ENG: variants seen among roughly 807,000 people sequenced by gnomAD.
ENG encodes CD105 antigen.
In ENG, 17 loss-of-function variants were observed where a neutral mutation model predicts 71.0. That is an observed-to-expected ratio of 0.24 (90% confidence interval 0.16 to 0.36). ENG has a LOEUF of 0.36. Ranked by LOEUF, ENG falls within the 10% of genes least tolerant of loss-of-function variation. ENG has a pLI of 1.00. For synonymous variants in ENG, 360 were observed against 366.9 expected, an observed-to-expected ratio of 0.98 and a Z score of 0.21; for missense variants, 749 against 868.3, an observed-to-expected ratio of 0.86 and a Z score of 1.73.
intron 1 of ENG, among the ~76,000 whole-genome samples, chr9:127,845,359 C>T (rs41344044): frequency 0.025 from 3,771 of 152,326 alleles, 165 homozygotes; most frequent in African/African-American, 0.086. Context: ...GCCATGGCAA[C>T]GCCATTCCCA....
chr9:127,825,337 T>TTCACCG lies in ENG; in HGVS notation c.704_709dup (p.Thr235_Val236dup). ...CCCGGGTGCGCAGCTCAGTTCCACC[T>TTCACCG]TCACCGTCACCGTCCGGGGCCTGCG... On this transcript the variant is annotated inframe_insertion, in exon 6 of 15. Coordinates refer to ENST00000373203, the MANE Select transcript of ENG (RefSeq NM_001114753.3). The TTCACCG allele has an allele frequency of 6.2e-7, 1 of 1,609,796 alleles. No individual in the cohort carries two copies. The highest frequency in any genetic ancestry group is 2.2e-5 in the East Asian group (1 of 44,762).
intron 1 of ENG, among the ~76,000 whole-genome samples, chr9:127,851,735 C>T (rs41468648): frequency 0.018 from 2,797 of 151,754 alleles, 99 homozygotes; most frequent in African/African-American, 0.063. Flanking sequence ...AAAAATTAGG[C>T]GGGTGTGGGG....
chr9:127,829,969 T>C, intron 2 of ENG, 142 bp from the exon 3 acceptor site: 1 of 1,155,036 alleles, frequency 8.7e-7, no homozygotes, highest in Non-Finnish European at 1.3e-6. Flanking sequence ...GTGCCCAGGG[T>C]AGTGCCTGTC....
intron 2 of ENG, among the ~76,000 whole-genome samples, chr9:127,830,360 A>C (rs1427497725): frequency 2.7e-5 from 4 of 146,004 alleles, no homozygotes. Context: ...AAAAAAAAAA[A>C]GGCCGGGCAT....
intron 2 of ENG, among the ~76,000 whole-genome samples, chr9:127,834,728 G>A (rs1041656549): frequency 3.3e-5 from 5 of 150,814 alleles, no homozygotes; most frequent in Admixed American, 6.6e-5. Flanking sequence ...TAGTGGAGAT[G>A]GGGTTTCACC....
intron 12 of ENG, 161 bp from the exon 13 acceptor site, chr9:127,817,364 G>T: frequency 1.3e-6 from 1 of 743,642 alleles, no homozygotes; most frequent in South Asian, 1.5e-5. Context: ...GAAGATCTGT[G>T]CTGTGGGAGG....
chr9:127,823,895 G>T (rs887586709), intron 8 of ENG, among the ~76,000 whole-genome samples: 1 of 151,560 alleles, frequency 6.6e-6, no homozygotes, highest in African/African-American at 2.4e-5. Context: ...TGGCCAGGCT[G>T]GTCTCAAACT....
At chr9:127,826,079 G>A (rs1168170891) in intron 4 of ENG, among the ~76,000 whole-genome samples, 1 of 152,184 alleles carries the variant, frequency 6.6e-6, no homozygotes, top group African/African-American at 2.4e-5. Context: ...CATAAGGGAT[G>A]AGCCCATGAC....
At chr9:127,828,061 C>T (rs1463802141) in intron 3 of ENG, among the ~76,000 whole-genome samples, 2 of 151,034 alleles carry the variant, frequency 1.3e-5, no homozygotes, top group South Asian at 2.1e-4. Context: ...CCTCCTGCCT[C>T]GGCTTACCAA....
intron 3 of ENG, among the ~76,000 whole-genome samples, chr9:127,828,019 CA>C (rs997493323): frequency 9.4e-3 from 293 of 31,194 alleles, no homozygotes; most frequent in African/African-American, 0.013. Context: ...AACTCCATCT[CA>C]AAAAAAAAAA....
intron 8 of ENG, among the ~76,000 whole-genome samples, chr9:127,820,937 G>T (rs1830454412): frequency 6.6e-6 from 1 of 152,166 alleles, no homozygotes; most frequent in Non-Finnish European, 1.5e-5. Context: ...CTCAGGCCTG[G>T]CGTGGGCGAA....
chr9:127,839,573 T>C (rs1320876173), intron 2 of ENG, among the ~76,000 whole-genome samples: 1 of 152,188 alleles, frequency 6.6e-6, no homozygotes, highest in Non-Finnish European at 1.5e-5. Context: ...GTTTTGTTTT[T>C]GAGACAGGGT....
At chr9:127,828,345 C>A (rs1028622783) in intron 3 of ENG, among the ~76,000 whole-genome samples, 1 of 152,190 alleles carries the variant, frequency 6.6e-6, no homozygotes, top group African/African-American at 2.4e-5. Context: ...GGGGATACAG[C>A]AGGGCACGAC....
chr9:127,848,815 C>G (rs1031715404), intron 1 of ENG, among the ~76,000 whole-genome samples: 10 of 152,230 alleles, frequency 6.6e-5, no homozygotes, highest in African/African-American at 2.4e-4. Context: ...GTCCAGGGCT[C>G]AGAGCAAACA....
At chr9:127,827,157 GA>G (rs1457215037) in intron 3 of ENG, 2 of 157,972 alleles carry the variant, frequency 1.3e-5, no homozygotes, top group African/African-American at 4.8e-5. Context: ...GCGTCACCCT[GA>G]CACCCAGCAT....
chr9:127,825,609 T>C, intron 5 of ENG, 86 bp downstream of exon 5: 1 of 1,138,894 alleles, frequency 8.8e-7, no homozygotes, highest in Non-Finnish European at 1.1e-6. Context: ...TGGGGCTTTA[T>C]AAGGGACCGG....
Position 127,836,224 on chromosome 9 carries a change from A to T in ENG, c.220-6397T>A, listed in dbSNP as rs924866466. Among the ~76,000 whole-genome samples, 1 of 152,062 alleles carries T rather than the reference A, an allele frequency of 6.6e-6. No homozygotes were observed. Among genetic ancestry groups the T allele is most frequent in the Non-Finnish European group, 1.5e-5 (1 of 68,000 alleles). ...CAACCCCAAGCTCCCAGCCTTCCTC[A>T]TGGGACCCTGGGAATTCCGCAGTCT... is the stretch of plus-strand genomic sequence containing the variant. On this transcript the variant is annotated intron_variant, in intron 2 of 14. Coordinates refer to ENST00000373203, the MANE Select transcript of ENG (RefSeq NM_001114753.3). This position sits in a 1 kb window ranked among gnomAD's most constrained non-coding sequence, Gnocchi z 4.0.
In ENG at chr9:127,818,498, A is replaced by C. The variant is rs564304750; in HGVS notation, c.1429-121T>G. The stretch of plus-strand genomic sequence containing the variant: ...CCCCTGAGTCCTCACAGTGGAAAGA[A>C]AGACATGGACCTGTCTGGGGCAGAG... On this transcript the variant is annotated intron_variant, in intron 11 of 14. Coordinates refer to ENST00000373203, the MANE Select transcript of ENG (RefSeq NM_001114753.3). 4.5e-6 allele frequency: 7 copies of C among 1,540,174 alleles called. No homozygotes were observed. The South Asian group carries it at 4.6e-5, about 10-fold the overall frequency.
chr9:127,834,875 TG>T (rs1251786205), intron 2 of ENG, among the ~76,000 whole-genome samples: 3 of 151,502 alleles, frequency 2.0e-5, no homozygotes, highest in African/African-American at 7.3e-5. Flanking sequence ...TGCTAATTTA[TG>T]GGATAAGATA....
Sources: gnomAD v4.1 joint callset for allele counts (sites outside exome capture counted in the v4.1 genomes callset) on GRCh38, gnomAD v4.1.1 for gene constraint, Gnocchi (gnomAD v3.1) non-coding constraint, MANE v1.5 for transcripts, NCBI Gene and HGNC (gene_info 2026-07-23, HGNC 2026-07-21) for gene names.